DNAAF4: variants seen among roughly 807,000 people sequenced by gnomAD.
The protein encoded by DNAAF4 is dynein axonemal assembly factor 4.
In DNAAF4, 43 loss-of-function variants were observed where a neutral mutation model predicts 51.8. The ratio of observed to expected loss-of-function variants is 0.83; its 90% CI spans 0.65 to 1.07. DNAAF4 has a LOEUF of 1.07. DNAAF4 is among the 50% of genes least tolerant of loss of function. The probability of loss-of-function intolerance (pLI) is 0.00; values close to 1 mark genes in which losing one functional copy is unlikely to be tolerated. For missense variants in DNAAF4, 581 were observed against 493.0 expected, an observed-to-expected ratio of 1.18 and a Z score of -1.69; for synonymous variants, 194 against 165.6, an observed-to-expected ratio of 1.17 and a Z score of -1.32.
downstream of DNAAF4, among the ~76,000 whole-genome samples, chr15:55,425,503 C>T (rs943450111): frequency 6.6e-6 from 1 of 152,076 alleles, no homozygotes; most frequent in Non-Finnish European, 1.5e-5. Context: ...ATTCTCAGGC[C>T]TCACAGGAAT....
At chr15:55,493,713 CT>C (rs1268287638) in intron 3 of DNAAF4, among the ~76,000 whole-genome samples, 1 of 151,742 alleles carries the variant, frequency 6.6e-6, no homozygotes, top group East Asian at 1.9e-4. Flanking sequence ...AGTTTGATTT[CT>C]TTTTTTTGAG....
chr15:55,430,429 G>C lies in DNAAF4; in HGVS notation c.*241C>G. The C allele has an allele frequency of 1.0e-6, 1 of 996,260 alleles. No homozygotes were observed. The highest frequency in any genetic ancestry group is 1.2e-6 in the Non-Finnish European group (1 of 823,182). 61.7% of individuals were successfully genotyped at this position (996,260 alleles called of 1,614,324 possible). On this transcript the variant is annotated 3_prime_UTR_variant, in exon 10 of 10. Transcript: ENST00000321149. ...AAGCTTAATTCAGTAACACAAAAAA[G>C]TATACATATGTATTAATATGAAGAA...
rs560690193 is a variant in DNAAF4 at position 55,441,158 on chromosome 15, G to A, written c.784-1577C>T. On this transcript the variant is annotated intron_variant, in intron 6 of 9. Transcript: ENST00000321149. ...ATGATCTCAGCTCACCGCAACCTCC[G>A]CCTTCTGGGTTCAAGCAATTCTCCT... 4.6e-5 allele frequency among the ~76,000 whole-genome samples: 7 copies of A among 151,522 alleles called. No individual in the cohort carries two copies. The South Asian group carries it at 8.3e-4, about 18-fold the overall frequency.
chr15:55,446,897 C>G (rs1173772606), intron 6 of DNAAF4, among the ~76,000 whole-genome samples: 1 of 124,364 alleles, frequency 8.0e-6, no homozygotes, highest in Non-Finnish European at 1.7e-5. Flanking sequence ...GAGGTGCTCC[C>G]CACTTCCCAG....
chr15:55,463,610 C>T (rs536113738), intron 5 of DNAAF4, among the ~76,000 whole-genome samples: 1 of 152,178 alleles, frequency 6.6e-6, no homozygotes, highest in Admixed American at 6.6e-5. Context: ...AAAATCAATG[C>T]ACACAAATCA....
At chr15:55,433,839 TATATA>T (rs1191217299) in intron 8 of DNAAF4, among the ~76,000 whole-genome samples, 1 of 74,530 alleles carries the variant, frequency 1.3e-5, no homozygotes, top group Non-Finnish European at 2.5e-5. Context: ...TTACATATAT[TATATA>T]TTATATATAT....
rs769894256 is a variant in DNAAF4 at position 55,443,758 on chromosome 15, A to G, written c.784-4177T>C. ...GCCATTCTAGCTGGTGTGAGATGGTATCTCATTGTGGTTTTGATTTGCATT... is the reference window on the plus strand; with the variant it reads ...GCCATTCTAGCTGGTGTGAGATGGTGTCTCATTGTGGTTTTGATTTGCATT... On this transcript the variant is annotated intron_variant, in intron 6 of 9. Transcript: ENST00000321149. Among the ~76,000 whole-genome samples the G allele has an allele frequency of 4.7e-4, 71 of 152,258 alleles. 1 individual carries two copies. The Middle Eastern group carries it at 0.02, about 44-fold the overall frequency.
chr15:55,468,804 T>C (rs932936880), intron 4 of DNAAF4, among the ~76,000 whole-genome samples: 16 of 152,190 alleles, frequency 1.1e-4, no homozygotes, highest in Admixed American at 3.9e-4. Flanking sequence ...AGTTCTGGTA[T>C]TATAGCCAAG....
chr15:55,474,477 T>A (rs2058309002), intron 4 of DNAAF4, among the ~76,000 whole-genome samples: 1 of 152,052 alleles, frequency 6.6e-6, no homozygotes, highest in African/African-American at 2.4e-5. Context: ...GAGGTTGCAG[T>A]GAGCCAAGAT....
chr15:55,432,836 G>C (rs1369289783), intron 8 of DNAAF4, among the ~76,000 whole-genome samples: 1 of 151,604 alleles, frequency 6.6e-6, no homozygotes, highest in Non-Finnish European at 1.5e-5. Flanking sequence ...TGTAGTCCTA[G>C]CTACTTGGGA....
At chr15:55,418,937 TTGAG>T (rs200031726) in intron 7 of DNAAF4, among the ~76,000 whole-genome samples, 99 of 5,118 alleles carry the variant, frequency 0.019, 13 homozygotes, top group Non-Finnish European at 0.14. Flanking sequence ...TTTTTTTTTT[TTGAG>T]TGAGTTGGAG....
chr15:55,436,770 T>A (rs535270961), intron 7 of DNAAF4, among the ~76,000 whole-genome samples: 33 of 152,274 alleles, frequency 2.2e-4, no homozygotes, highest in African/African-American at 7.7e-4. Flanking sequence ...CTACCCATCT[T>A]GGCCTCTCAA....
At chr15:55,420,827 C>A (rs2057382227) in intron 7 of DNAAF4, among the ~76,000 whole-genome samples, 1 of 152,116 alleles carries the variant, frequency 6.6e-6, no homozygotes, top group African/African-American at 2.4e-5. Context: ...TATGTAGAAT[C>A]TAGATACTAA....
chr15:55,445,331 CAT>C (rs1209028942), intron 6 of DNAAF4, among the ~76,000 whole-genome samples: 5 of 152,200 alleles, frequency 3.3e-5, no homozygotes, highest in African/African-American at 9.6e-5. Context: ...TGACACAGCA[CAT>C]GTTTCAGAGT....
At chr15:55,438,712 C>T (rs1347673485) in intron 7 of DNAAF4, among the ~76,000 whole-genome samples, 1 of 150,064 alleles carries the variant, frequency 6.7e-6, no homozygotes, top group Non-Finnish European at 1.5e-5. Flanking sequence ...TTGAACCTGG[C>T]GGGTAGAGGT....
chr15:55,434,946 T>C lies in DNAAF4; in HGVS notation c.1006A>G (p.Lys336Glu). The change falls in exon 8 of 10, where the codon AAA becomes GAA. Residue 336 changes from lysine to glutamate, a missense_variant. Physicochemically the swap from Lys to Glu is moderately conservative, Grantham distance 56. Coordinates refer to ENST00000321149, the MANE Select transcript of DNAAF4 (RefSeq NM_130810.4). ...ATAGCCTTGTGTAAGTTTTTTAGTT[T>C]TAGGTGGCAAGCAGCCCGGTTCAAA... ...LYLNRAACHL[K>E]LKNLHKAIED... 1 of 1,612,774 alleles carries C rather than the reference T, an allele frequency of 6.2e-7. No homozygotes were observed. Among genetic ancestry groups the C allele is most frequent in the Non-Finnish European group, 8.5e-7 (1 of 1,179,754 alleles).
At chr15:55,501,444 C>T (rs1381270031) in intron 1 of DNAAF4, among the ~76,000 whole-genome samples, 1 of 148,620 alleles carries the variant, frequency 6.7e-6, no homozygotes, top group East Asian at 2.1e-4. Context: ...GGCGCTATCT[C>T]GGCTCACTGC....
chr15:55,491,741 AATATT>A (rs1264139579), intron 3 of DNAAF4, among the ~76,000 whole-genome samples: 15 of 134,470 alleles, frequency 1.1e-4, no homozygotes, highest in East Asian at 3.9e-4. Context: ...TATAATATAT[AATATT>A]ATATTATAAT....
chr15:55,432,573 T>C lies in DNAAF4; in HGVS notation c.1077A>G (p.Thr359=), dbSNP rs767698730. ...CCTTCATTCTTGCATTAGCATTGTC[T>C]GTAACAGGTGGCATCAATAATTCCA... is the stretch of plus-strand genomic sequence containing the variant. ...KALELLMPPV[T]DNANARMKAH... The change falls in exon 9 of 10, where the codon ACA becomes ACG. Residue 359 remains threonine, a synonymous_variant. Transcript: ENST00000321149. 6.2e-7 allele frequency: 1 copy of C among 1,612,036 alleles called. No individual in the cohort carries two copies. Among genetic ancestry groups the C allele is most frequent in the South Asian group, 1.1e-5 (1 of 90,734 alleles).
Sources: gnomAD v4.1 joint callset for allele counts (sites outside exome capture counted in the v4.1 genomes callset) on GRCh38, gnomAD v4.1.1 for gene constraint, MANE v1.5 for transcripts, NCBI Gene and HGNC (gene_info 2026-07-23, HGNC 2026-07-21) for gene names.